NBPF9: variants seen among roughly 807,000 people sequenced by gnomAD.
NBPF9 encodes the protein NBPF member 9.
NBPF9 carries 91 observed loss-of-function variants against 97.8 expected under a neutral mutation model. The ratio of observed to expected loss-of-function variants is 0.93; its 90% CI spans 0.79 to 1.11. NBPF9 has a LOEUF of 1.11. NBPF9 is among the 50% of genes least tolerant of loss of function. The pLI, the probability that NBPF9 is intolerant of heterozygous loss-of-function variation, is 0.00. For synonymous variants in NBPF9, 334 were observed against 359.5 expected (o/e 0.93, Z 0.80); for missense variants, 992 against 939.5 (o/e 1.06, Z -0.73).
intron 17 of NBPF9, chr1:149,065,936 A>C (rs1363657777): frequency 1.6e-6 from 1 of 606,134 alleles, no homozygotes. Flanking sequence ...CAGGGCACCC[A>C]GACTCTCCCT....
chr1:149,080,370 G>A lies in NBPF9; in HGVS notation c.176-215C>T, dbSNP rs1290596294. On this transcript the variant is annotated intron_variant, in intron 7 of 29. Transcript: ENST00000584027. ...GACGAAGAAAGAGAACCTCAAGGGC[G>A]CATCAAGGAAGTTGACAAGATGATT... is the stretch of plus-strand genomic sequence containing the variant. Among the ~76,000 whole-genome samples, 205 of 150,274 alleles carry A rather than the reference G, an allele frequency of 1.4e-3. 1 individual carries two copies. Among genetic ancestry groups the A allele is most frequent in the African/African-American group, 4.1e-3 (166 of 40,448 alleles).
In NBPF9 at chr1:149,060,027, G is replaced by C. The variant is rs1263024618; in HGVS notation, c.2477-219C>G. On this transcript the variant is annotated intron_variant, in intron 24 of 29. Coordinates refer to ENST00000584027, the Ensembl canonical transcript of NBPF9. ...TAAAATGTCCCTATTCTAGTAGATC[G>C]TTATCCCAATATCATTGGTCCCAAA... The C allele has an allele frequency of 4.7e-5, 17 of 358,906 alleles. 4 individuals are homozygous for C. The highest frequency in any genetic ancestry group is 8.1e-5 in the Non-Finnish European group (16 of 197,086). The allele number at this position is 358,906 out of a possible 1,614,324, so 22.2% of individuals were successfully genotyped here. A position where few individuals can be genotyped will look rare whatever the true frequency, so the allele number is the denominator to read the frequency against.
In NBPF9 at chr1:149,060,567, T is replaced by C. The variant is rs1348289370; in HGVS notation, c.2432A>G (p.Tyr811Cys). ...GCCAACATGTTTTTCCTCCAATGCA[T>C]AAAAGGAACTTCCATAGGGCTGGCA... Residue 811 changes from tyrosine (Y) to cysteine (C), a missense_variant, in exon 24 of 30, where the codon TAT becomes TGT. Coordinates refer to ENST00000584027, the Ensembl canonical transcript of NBPF9. 37 of 382,250 alleles carry C rather than the reference T, an allele frequency of 9.7e-5. 6 individuals carry two copies. The highest frequency in any genetic ancestry group is 1.2e-4 in the Non-Finnish European group (27 of 218,118). The allele number at this position is 382,250 out of a possible 1,614,324, so 23.7% of individuals were successfully genotyped here.
intron 5 of NBPF9, among the ~76,000 whole-genome samples, chr1:149,082,944 T>C (rs55887877): frequency 7.4e-6 from 1 of 135,974 alleles, no homozygotes; most frequent in Non-Finnish European, 1.6e-5. Flanking sequence ...CACGCCTGGC[T>C]AATTTTTCTT....
intron 7 of NBPF9, among the ~76,000 whole-genome samples, chr1:149,081,086 T>C (rs1356635983): frequency 6.6e-6 from 1 of 152,108 alleles, no homozygotes; most frequent in East Asian, 1.9e-4. Context: ...CTCACCAAGG[T>C]ACTCTCTTTT....
chr1:149,059,127 G>T lies in NBPF9; in HGVS notation c.2586-30C>A, dbSNP rs1176387869. On this transcript the variant is annotated intron_variant, in intron 25 of 29. Coordinates refer to ENST00000584027, the Ensembl canonical transcript of NBPF9. ...AAAAGTAGGAAAAAGTAAAGAATAA[G>T]CCAGGGGGAATCAGAAACCACACAG... 1.1e-4 allele frequency: 46 copies of T among 416,992 alleles called. 1 individual carries two copies. The East Asian group carries it at 1.3e-3, about 12-fold the overall frequency. The allele number at this position is 416,992 out of a possible 1,614,324, so 25.8% of individuals were successfully genotyped here.
chr1:149,064,856 G>T (rs1316549879), intron 18 of NBPF9: 3 of 536,102 alleles, frequency 5.6e-6, no homozygotes, highest in Non-Finnish European at 9.9e-6. Flanking sequence ...TAGTTTATGA[G>T]ATTGTGGACA....
intron 18 of NBPF9, chr1:149,064,750 T>A: frequency 1.6e-6 from 1 of 614,538 alleles, no homozygotes; most frequent in Non-Finnish European, 2.9e-6. Flanking sequence ...AATGCGCGAT[T>A]TTTTTCCCCA....
rs184044474 is a variant in NBPF9 at position 149,063,086 on chromosome 1, T to G, written c.2027-173A>C. Reference sequence around the variant, plus strand: ...CTGATCACCATAGAGATTCCTTGGTTTTTGTCCCAGAAACTGTGGGTAAAA... The same window carrying G: ...CTGATCACCATAGAGATTCCTTGGTGTTTGTCCCAGAAACTGTGGGTAAAA... On this transcript the variant is annotated intron_variant, in intron 20 of 29. Coordinates refer to ENST00000584027, the Ensembl canonical transcript of NBPF9. Among the ~76,000 whole-genome samples, 82 of 139,670 alleles carry G rather than the reference T, an allele frequency of 5.9e-4. No individual in the cohort carries two copies. In the East Asian group the frequency reaches 0.014, roughly 24 times the overall value. The allele number at this position is 139,670 out of a possible 152,430, so 91.6% of individuals were successfully genotyped here. A position where few individuals can be genotyped will look rare whatever the true frequency, so the allele number is the denominator to read the frequency against.
intron 11 of NBPF9, among the ~76,000 whole-genome samples, chr1:149,076,636 G>A (rs1219974994): frequency 5.3e-5 from 8 of 149,534 alleles, no homozygotes; most frequent in African/African-American, 2.0e-4. Context: ...CTGAGTAGCT[G>A]GGACTACAGG....
At chr1:149,095,991 CTG>C (rs2081738487) in intron 4 of NBPF9, among the ~76,000 whole-genome samples, 1 of 151,738 alleles carries the variant, frequency 6.6e-6, no homozygotes, top group Non-Finnish European at 1.5e-5. Context: ...AATAAACAAA[CTG>C]TGTTGTAGCC....
chr1:149,097,328 C>A (rs1346055349), intron 4 of NBPF9, among the ~76,000 whole-genome samples: 2 of 152,318 alleles, frequency 1.3e-5, no homozygotes, highest in East Asian at 3.9e-4. Flanking sequence ...AAACTATATA[C>A]TGTTTCCATG....
exon 12 of NBPF9, chr1:149,075,807 A>C (rs71231749): frequency 0.051 from 80,186 of 1,565,400 alleles, 78 homozygotes; most frequent in East Asian, 0.37. Flanking sequence ...CTCGCTGGAC[A>C]AAGGGCCGGC....
At chr1:149,068,979 C>T (rs1283882765) in intron 17 of NBPF9, among the ~76,000 whole-genome samples, 16 of 152,072 alleles carry the variant, frequency 1.1e-4, no homozygotes, top group African/African-American at 2.9e-4. Flanking sequence ...CACTCAAAAC[C>T]GCACAACTAC....
intron 5 of NBPF9, among the ~76,000 whole-genome samples, chr1:149,087,990 CCTAG>C (rs1413465856): frequency 6.6e-6 from 1 of 150,642 alleles, no homozygotes; most frequent in African/African-American, 2.4e-5. Context: ...TGCCACCACG[CCTAG>C]CTAATTTTTT....
intron 22 of NBPF9, 142 bp downstream of exon 22, chr1:149,061,951 T>G: frequency 3.9e-6 from 2 of 511,982 alleles, no homozygotes; most frequent in Non-Finnish European, 7.0e-6. Flanking sequence ...AGACTACAGT[T>G]TCATTACAAC....
downstream of NBPF9, among the ~76,000 whole-genome samples, chr1:149,052,306 C>T (rs1449475975): frequency 5.3e-5 from 8 of 152,084 alleles, no homozygotes; most frequent in African/African-American, 1.9e-4. Context: ...ATATAAGCTG[C>T]AGTTTGGGAG....
rs192273489 is a variant in NBPF9, at chr1:149,076,455, C to T, written c.779-591G>A. Among the ~76,000 whole-genome samples, 482 of 150,740 alleles carry T rather than the reference C, an allele frequency of 3.2e-3. 9 individuals are homozygous for T. The highest frequency in any genetic ancestry group is 0.011 in the African/African-American group (450 of 41,242). ...CAGGTGTTCCGCCCACCTCGGCCTC[C>T]CAAAGTGTTGGGATTAAGATGTGAG... On this transcript the variant is annotated intron_variant, in intron 11 of 29. Coordinates refer to ENST00000584027, the Ensembl canonical transcript of NBPF9.
intron 14 of NBPF9, among the ~76,000 whole-genome samples, chr1:149,071,990 C>T (rs1404653599): frequency 6.8e-6 from 1 of 147,784 alleles, no homozygotes; most frequent in Non-Finnish European, 1.5e-5. Context: ...AGATCTGATT[C>T]CCAGGCACAG....
Sources: allele counts gnomAD v4.1 joint callset (sites outside exome capture counted in the v4.1 genomes callset), GRCh38; gene constraint gnomAD v4.1.1; transcripts MANE v1.5; gene names NCBI Gene and HGNC (gene_info 2026-07-23, HGNC 2026-07-21).